The following ENTPD1 variants were observed in gnomAD, a reference collection of about 807,000 sequenced individuals.
ENTPD1 encodes the protein ectonucleoside triphosphate diphosphohydrolase 1.
ENTPD1 carries 33 observed loss-of-function variants against 57.0 expected under a neutral mutation model. The observed-to-expected ratio is 0.58, with a 90% CI of 0.44 to 0.77. The LOEUF is 0.77. ENTPD1 is among the 30% of genes least tolerant of loss of function. ENTPD1 has a pLI of 0.00. For synonymous variants in ENTPD1, 202 were observed against 218.8 expected (o/e 0.92, Z 0.68); for missense variants, 501 against 603.4 (o/e 0.83, Z 1.78).
intron 1 of ENTPD1, among the ~76,000 whole-genome samples, chr10:95,812,440 G>A (rs1451974673): frequency 6.6e-6 from 1 of 152,170 alleles, no homozygotes. Flanking sequence ...CCTTATTGCT[G>A]AGTAGAATTT....
chr10:95,734,448 G>A (rs2097992421), intron 1 of ENTPD1, among the ~76,000 whole-genome samples: 1 of 152,176 alleles, frequency 6.6e-6, no homozygotes, highest in Admixed American at 6.5e-5. Context: ...CTCTAGGGGA[G>A]GCTAAGCAAT....
chr10:95,725,849 A>G (rs1034884948), intron 1 of ENTPD1, among the ~76,000 whole-genome samples: 9 of 152,246 alleles, frequency 5.9e-5, no homozygotes, highest in African/African-American at 1.7e-4. Context: ...TAATTCCATT[A>G]AATTTTTGGT....
chr10:95,867,713 C>T lies in ENTPD1; in HGVS notation c.*1330C>T. ...ATTGCTGCAAGAGTTACCTGTTGAG[C>T]AGGATTGACTGGTGATGTTTCATTC... On this transcript the variant is annotated 3_prime_UTR_variant, in exon 10 of 10. Coordinates refer to ENST00000371205, the MANE Select transcript of ENTPD1 (RefSeq NM_001776.6). 1.0e-6 allele frequency: 1 copy of T among 985,432 alleles called. No homozygotes were observed. Among genetic ancestry groups the T allele is most frequent in the Non-Finnish European group, 1.2e-6 (1 of 829,956 alleles). The allele number at this position is 985,432 out of a possible 1,614,324, so 61.0% of individuals were successfully genotyped here.
In ENTPD1 at chr10:95,758,916, C is replaced by T. The variant is rs530781398; in HGVS notation, c.16+2661C>T. Among the ~76,000 whole-genome samples, 6 of 152,340 alleles carry T rather than the reference C, an allele frequency of 3.9e-5. No individual in the cohort carries two copies. The South Asian group carries it at 1.2e-3, about 32-fold the overall frequency. Reference sequence around the variant, plus strand: ...TTCTCCATGAGGTCTGTGAGGTCCTCTGACGTACTTATTGTGGGTCAGCTT... The same window carrying T: ...TTCTCCATGAGGTCTGTGAGGTCCTTTGACGTACTTATTGTGGGTCAGCTT... On this transcript the variant is annotated intron_variant, in intron 1 of 9. Coordinates refer to ENST00000371205, the MANE Select transcript of ENTPD1 (RefSeq NM_001776.6).
chr10:95,764,255 A>G (rs1434050983), intron 1 of ENTPD1, among the ~76,000 whole-genome samples: 1 of 152,230 alleles, frequency 6.6e-6, no homozygotes, highest in African/African-American at 2.4e-5. Context: ...CATAGCATAT[A>G]TCCCATTGAA....
chr10:95,769,789 T>C (rs921190102), intron 1 of ENTPD1, among the ~76,000 whole-genome samples: 5 of 152,156 alleles, frequency 3.3e-5, no homozygotes, highest in African/African-American at 1.2e-4. Flanking sequence ...TGGGATCTAA[T>C]AGAGCCAATA....
At chr10:95,784,681 G>A (rs559965987) in intron 1 of ENTPD1, among the ~76,000 whole-genome samples, 183 of 152,220 alleles carry the variant, frequency 1.2e-3, no homozygotes, top group Middle Eastern at 6.8e-3. Flanking sequence ...AACACCTATC[G>A]GCCTCAGTAC....
intron 1 of ENTPD1, among the ~76,000 whole-genome samples, chr10:95,784,521 T>A (rs575645521): frequency 3.0e-4 from 45 of 152,272 alleles, no homozygotes; most frequent in African/African-American, 1.0e-3. Flanking sequence ...CAGGCTGTGT[T>A]TCCTAGTCAC....
chr10:95,823,431 G>A (rs1343702845), intron 2 of ENTPD1, 67 bp downstream of exon 2: 35 of 1,607,984 alleles, frequency 2.2e-5, no homozygotes, highest in Non-Finnish European at 2.8e-5. Flanking sequence ...AGGGGGAGGA[G>A]GGATAAGGTA....
chr10:95,728,298 A>G (rs922628740), intron 1 of ENTPD1, among the ~76,000 whole-genome samples: 1 of 121,060 alleles, frequency 8.3e-6, no homozygotes, highest in Admixed American at 9.5e-5. Context: ...TTGTATTTTT[A>G]TAATAAAGTA....
At chr10:95,806,201 T>C (rs774813446) in intron 1 of ENTPD1, among the ~76,000 whole-genome samples, 2 of 152,242 alleles carry the variant, frequency 1.3e-5, no homozygotes, top group Non-Finnish European at 2.9e-5. Flanking sequence ...TTTTTACTCT[T>C]TTTTCTTTAA....
intron 2 of ENTPD1, among the ~76,000 whole-genome samples, chr10:95,830,788 G>A (rs1158108871): frequency 1.3e-5 from 2 of 152,108 alleles, no homozygotes; most frequent in Non-Finnish European, 2.9e-5. Context: ...GGGCAACAGA[G>A]CGAGACTCTG....
intron 1 of ENTPD1, among the ~76,000 whole-genome samples, chr10:95,770,292 G>A (rs1001489971): frequency 1.1e-4 from 15 of 132,600 alleles, no homozygotes; most frequent in Admixed American, 6.7e-4. Flanking sequence ...TGTTGGAGTG[G>A]GGGAAGGAGG....
chr10:95,724,519 A>G (rs1003162177), intron 1 of ENTPD1, among the ~76,000 whole-genome samples: 1 of 152,122 alleles, frequency 6.6e-6, no homozygotes, highest in Non-Finnish European at 1.5e-5. Context: ...TTATAGCTCT[A>G]TTAGAAGCCG....
rs142935104 is a variant in ENTPD1, at chr10:95,858,597, A to C, written c.1075-1872A>C. Reference sequence around the variant, plus strand: ...CGAGATGATAGTGGCTTGGGTTAAGAGGGCAGAAATAGGACCATACCACGA... The same window carrying C: ...CGAGATGATAGTGGCTTGGGTTAAGCGGGCAGAAATAGGACCATACCACGA... On this transcript the variant is annotated intron_variant, in intron 7 of 9. Coordinates refer to ENST00000371205, the MANE Select transcript of ENTPD1 (RefSeq NM_001776.6). 2.0e-5 allele frequency among the ~76,000 whole-genome samples: 3 copies of C among 152,144 alleles called. No individual in the cohort carries two copies. The East Asian group carries it at 5.8e-4, about 29-fold the overall frequency.
intron 1 of ENTPD1, among the ~76,000 whole-genome samples, chr10:95,800,825 A>G (rs1422537553): frequency 2.6e-5 from 4 of 152,190 alleles, no homozygotes; most frequent in Non-Finnish European, 5.9e-5. Flanking sequence ...GTTATTTTTC[A>G]GGGTGCACTG....
chr10:95,794,774 A>T (rs569139139), intron 1 of ENTPD1, among the ~76,000 whole-genome samples: 1 of 152,102 alleles, frequency 6.6e-6, no homozygotes, highest in African/African-American at 2.4e-5. Context: ...CTGAAGGGTA[A>T]ATAGGAAATA....
intron 1 of ENTPD1, among the ~76,000 whole-genome samples, chr10:95,785,752 A>T (rs911266240): frequency 4.6e-5 from 7 of 152,234 alleles, no homozygotes; most frequent in Admixed American, 1.3e-4. Context: ...CTCAAATTCC[A>T]GCTCTGTGCT....
rs1555272408 is a variant in ENTPD1, at chr10:95,713,033, T to TTAAAAAA, written c.37+1040_37+1041insTAAAAAA. ...TGGGCGACAGAGCGAGATTCTGTCT[T>TTAAAAAA]AAAAAAAAAAAAAAAAAAATAGGCT... is the stretch of plus-strand genomic sequence containing the variant. On this transcript the variant is annotated intron_variant, in intron 1 of 9. Transcript: ENST00000453258. 2.8e-5 allele frequency among the ~76,000 whole-genome samples: 4 copies of TTAAAAAA among 143,018 alleles called. 1 individual carries two copies. Among genetic ancestry groups the TTAAAAAA allele is most frequent in the Admixed American group, 7.0e-5 (1 of 14,386 alleles). The allele number at this position is 143,018 out of a possible 152,430, so 93.8% of individuals were successfully genotyped here.
Sources: allele counts gnomAD v4.1 joint callset (sites outside exome capture counted in the v4.1 genomes callset), GRCh38; gene constraint gnomAD v4.1.1; transcripts MANE v1.5; gene names NCBI Gene and HGNC (gene_info 2026-07-23, HGNC 2026-07-21).